MPI: variants seen among roughly 807,000 people sequenced by gnomAD.
MPI encodes mannose-6-phosphate isomerase.
Under a neutral mutation model 40.1 loss-of-function variants are expected in MPI, and 33 were observed. That is an observed-to-expected ratio of 0.82 (90% CI 0.62 to 1.10). The LOEUF is 1.10. MPI is among the 50% of genes least tolerant of loss of function. The pLI, the probability that MPI is intolerant of heterozygous loss-of-function variation, is 0.00. For synonymous variants in MPI, 187 were observed against 207.4 expected (o/e 0.90, Z 0.85); for missense variants, 514 against 524.1 (o/e 0.98, Z 0.19).
chr15:74,893,524 C>T, intron 5 of MPI: 1 of 668,134 alleles, frequency 1.5e-6, no homozygotes, highest in Non-Finnish European at 2.7e-6. Flanking sequence ...TGCTTCCCAA[C>T]TGGTCATCTT....
chr15:74,890,631 GC>G lies in MPI; in HGVS notation c.122del (p.Ala41GlufsTer31). 6.2e-7 allele frequency: 1 copy of G among 1,614,028 alleles called. No homozygotes were observed. Among genetic ancestry groups the G allele is most frequent in the Non-Finnish European group, 8.5e-7 (1 of 1,180,036 alleles). On this transcript the variant is annotated frameshift_variant, in exon 2 of 8. Transcript: ENST00000352410. LOFTEE classifies it high-confidence loss of function. ...CAGCAGTGATCCACTGGCCCAGATC[GC>G]AGAGGACAAGCCTTATGCAGAGGTG... Reference protein sequence around the residue: ...LASSDPLAQIAEDKPYAELWM... With the variant: ...LASSDPLAQIXEDKPYAELWM...
At chr15:74,897,414 G>A in intron 7 of MPI, 98 bp from the exon 8 acceptor site, 2 of 1,357,570 alleles carry the variant, frequency 1.5e-6, no homozygotes, top group Non-Finnish European at 2.1e-6. Context: ...GCGAGAAGGT[G>A]GCAGAGCTCT....
intron 5 of MPI, among the ~76,000 whole-genome samples, chr15:74,894,069 T>TTTTCTGAGCCAGG (rs1567267118): frequency 6.2e-5 from 4 of 64,718 alleles, no homozygotes; most frequent in African/African-American, 1.9e-4. Context: ...TGTGTGTGTG[T>TTTTCTGAGCCAGG]GTGTGTGTGT....
chr15:74,892,439 T>TCCCTGATTTGCCCCGGGGTTGC (rs1404570300), intron 3 of MPI, among the ~76,000 whole-genome samples: 1 of 152,238 alleles, frequency 6.6e-6, no homozygotes, highest in Non-Finnish European at 1.5e-5. Context: ...CCCCAGCTTT[T>TCCCTGATTTGCCCCGGGGTTGC]CCCTGATTTG....
chr15:74,892,392 G>T (rs1342821350), intron 3 of MPI, among the ~76,000 whole-genome samples: 3 of 152,220 alleles, frequency 2.0e-5, no homozygotes, highest in African/African-American at 7.2e-5. Flanking sequence ...CTGGTATTTG[G>T]GTTTCCTGAT....
Position 74,900,892 on chromosome 15 carries a change from A to G in MPI, c.*3162A>G, listed in dbSNP as rs1365367243. 6.6e-6 allele frequency: 1 copy of G among 152,226 alleles called. No individual in the cohort carries two copies. Among genetic ancestry groups the G allele is most frequent in the African/African-American group, 2.4e-5 (1 of 41,452 alleles). 9.4% of individuals were successfully genotyped at this position (152,226 alleles called of 1,614,324 possible). On this transcript the variant is annotated 3_prime_UTR_variant, in exon 8 of 8. Coordinates refer to ENST00000352410, the MANE Select transcript of MPI (RefSeq NM_002435.3). ...CTCTCAACCTTCCATGGTTTGAGAA[A>G]AACACAAAGATAGATGTCCATCAGG...
rs2064900923 is a variant in MPI at position 74,900,326 on chromosome 15, C to T, written c.*2596C>T. 1 of 152,296 alleles carries T rather than the reference C, an allele frequency of 6.6e-6. No individual in the cohort carries two copies. The highest frequency in any genetic ancestry group is 1.5e-5 in the Non-Finnish European group (1 of 68,140). The allele number at this position is 152,296 out of a possible 1,614,324, so 9.4% of individuals were successfully genotyped here. Reference sequence around the variant, plus strand: ...TACATGGGGTCAGCCAGCTCAGAAACCTCTTCTTCAGGGACAGTTGCAGCT... The same window carrying T: ...TACATGGGGTCAGCCAGCTCAGAAATCTCTTCTTCAGGGACAGTTGCAGCT... On this transcript the variant is annotated 3_prime_UTR_variant, in exon 8 of 8. Coordinates refer to ENST00000352410, the MANE Select transcript of MPI (RefSeq NM_002435.3).
At position 74,895,947 on chromosome 15, in the gene MPI, G is replaced by A. The variant is rs1410431841; in HGVS notation, c.671-205G>A. On this transcript the variant is annotated intron_variant, in intron 5 of 7. Coordinates refer to ENST00000352410, the MANE Select transcript of MPI (RefSeq NM_002435.3). ...CTGGGCATATGAATAGTCAAGATAT[G>A]ATGAAAGATGGTATTTGTATGGACT... 3 of 610,466 alleles carry A rather than the reference G, an allele frequency of 4.9e-6. No individual in the cohort carries two copies. In the African/African-American group the frequency reaches 5.5e-5, roughly 11 times the overall value. The allele number at this position is 610,466 out of a possible 1,614,324, so 37.8% of individuals were successfully genotyped here.
intron 5 of MPI, chr15:74,893,756 A>G (rs1169459459): frequency 2.9e-5 from 11 of 385,480 alleles, no homozygotes; most frequent in Non-Finnish European, 4.3e-5. Context: ...TGTGTGCCCA[A>G]CCTTGTGCTA....
Position 74,894,997 on chromosome 15 carries a change from C to T in MPI, c.671-1155C>T, listed in dbSNP as rs191438399. ...CTTTTTTTTTTTTGAGACGGAGTCT[C>T]GCTGTGTCACCCAGGCTGGAGTGCA... On this transcript the variant is annotated intron_variant, in intron 5 of 7. Coordinates refer to ENST00000352410, the MANE Select transcript of MPI (RefSeq NM_002435.3). Among the ~76,000 whole-genome samples the T allele has an allele frequency of 2.1e-3, 309 of 150,026 alleles. 1 individual carries two copies. The highest frequency in any genetic ancestry group is 7.4e-3 in the African/African-American group (303 of 41,078).
chr15:74,892,241 C>T (rs1484307951), intron 3 of MPI, among the ~76,000 whole-genome samples: 1 of 152,210 alleles, frequency 6.6e-6, no homozygotes, highest in African/African-American at 2.4e-5. Flanking sequence ...ATCCGCTCGC[C>T]TCAGCCTCCC....
Position 74,893,082 on chromosome 15 carries a change from G to C in MPI, c.488-56G>C. The C allele has an allele frequency of 1.9e-6, 3 of 1,601,708 alleles. No individual in the cohort carries two copies. The East Asian group carries it at 6.7e-5, about 36-fold the overall frequency. ...AAAGGTGTCCTCCAACTCCCCACTT[G>C]TGTGGGTTCCATCTTACCATTCCTG... On this transcript the variant is annotated intron_variant, in intron 4 of 7. Coordinates refer to ENST00000352410, the MANE Select transcript of MPI (RefSeq NM_002435.3).
intron 5 of MPI, among the ~76,000 whole-genome samples, chr15:74,893,952 C>CTCTT (rs1567266937): frequency 7.0e-6 from 1 of 142,538 alleles, no homozygotes; most frequent in East Asian, 2.0e-4. Flanking sequence ...GCCCAGAGCT[C>CTCTT]TCTTTTTATT....
intron 2 of MPI, chr15:74,891,119 C>T (rs2064719324): frequency 1.7e-6 from 1 of 599,882 alleles, no homozygotes; most frequent in African/African-American, 1.8e-5. Context: ...CCTCTTTGGA[C>T]AGACAAAGAA....
intron 3 of MPI, 114 bp downstream of exon 3, chr15:74,891,693 C>A: frequency 1.7e-6 from 2 of 1,159,120 alleles, no homozygotes; most frequent in Non-Finnish European, 2.6e-6. Flanking sequence ...TGCCCAAGGC[C>A]AAATCCAGGC....
In MPI at chr15:74,897,580, G is replaced by C. The variant is rs753458883; in HGVS notation, c.1122G>C (p.Gln374His). 3 of 1,614,188 alleles carry C rather than the reference G, an allele frequency of 1.9e-6. No homozygotes were observed. In the East Asian group the frequency reaches 6.7e-5, roughly 36 times the overall value. The change falls in exon 8 of 8, where the codon CAG (glutamine) becomes CAC (histidine). Residue 374 changes from glutamine (Q) to histidine (H), a missense_variant. Physicochemically the swap from Gln to His is conservative, Grantham distance 24 (BLOSUM62 0). Transcript: ENST00000352410. ...LDSASILLMV[Q>H]GTVIASTPTT... ...CTGCCAGCATCCTCCTGATGGTACA[G>C]GGGACAGTAATAGCCAGCACACCCA...
At chr15:74,890,440 A>G in intron 1 of MPI, 87 bp from the exon 2 acceptor site, 2 of 1,574,230 alleles carry the variant, frequency 1.3e-6, no homozygotes, top group African/African-American at 1.3e-5. Context: ...GTCCCCAGTG[A>G]GCACCCCCAG....
chr15:74,894,107 T>TGTTTCTGAGCCAG (rs1555478772), intron 5 of MPI, among the ~76,000 whole-genome samples: 1 of 60,954 alleles, frequency 1.6e-5, no homozygotes. Context: ...TGTGTGTGTG[T>TGTTTCTGAGCCAG]GGTCTCTTTC....
At chr15:74,896,866 C>T in intron 6 of MPI, 145 bp from the exon 7 acceptor site, 2 of 776,986 alleles carry the variant, frequency 2.6e-6, no homozygotes, top group South Asian at 1.4e-5. Context: ...TATTTGATAT[C>T]TTAACCCCAT....
Sources: gnomAD v4.1 joint callset for allele counts (sites outside exome capture counted in the v4.1 genomes callset) on GRCh38, gnomAD v4.1.1 for gene constraint, MANE v1.5 for transcripts, NCBI Gene and HGNC (gene_info 2026-07-23, HGNC 2026-07-21) for gene names.